CDK5RAP1: variants seen among roughly 807,000 people sequenced by gnomAD.
CDK5RAP1 encodes mitochondrial tRNA methylthiotransferase CDK5RAP1.
In CDK5RAP1, 62 loss-of-function variants were observed where a neutral mutation model predicts 64.5. The observed-to-expected ratio is 0.96, with a 90% CI of 0.78 to 1.19. The LOEUF is 1.19. CDK5RAP1 is among the 50% of genes most tolerant of loss of function. The probability of loss-of-function intolerance (pLI) is 0.00; values close to 1 mark genes in which losing one functional copy is unlikely to be tolerated. For synonymous variants in CDK5RAP1, 250 were observed against 261.9 expected, an observed-to-expected ratio of 0.95 and a Z score of 0.44; for missense variants, 657 against 735.0, an observed-to-expected ratio of 0.89 and a Z score of 1.23.
At chr20:33,389,465 C>A (rs951554269) in intron 5 of CDK5RAP1, among the ~76,000 whole-genome samples, 3 of 152,030 alleles carry the variant, frequency 2.0e-5, no homozygotes, top group African/African-American at 7.2e-5. Context: ...CGTCTCCGCC[C>A]AGCAGCCGCC....
intron 7 of CDK5RAP1, among the ~76,000 whole-genome samples, chr20:33,382,973 GAGTT>G (rs1986957288): frequency 6.6e-6 from 1 of 152,038 alleles, no homozygotes; most frequent in African/African-American, 2.4e-5. Context: ...CTGAGGTCAG[GAGTT>G]TGAGACTAAG....
Position 33,372,086 on chromosome 20 carries a change from T to C in CDK5RAP1, c.1261+556A>G, listed in dbSNP as rs139885002. ...TAAACAACACTGTAACTGCTTTCTT[T>C]TCCCACCTAACCTGGAAGTTCCCCA... On this transcript the variant is annotated intron_variant, in intron 10 of 13. Coordinates refer to ENST00000346416, the MANE Select transcript of CDK5RAP1 (RefSeq NM_016408.4). Among the ~76,000 whole-genome samples, 119 of 152,296 alleles carry C rather than the reference T, an allele frequency of 7.8e-4. 1 individual carries two copies. Among genetic ancestry groups the C allele is most frequent in the Middle Eastern group, 3.4e-3 (1 of 294 alleles).
chr20:33,401,447 G>A lies in CDK5RAP1; in HGVS notation c.-40C>T, dbSNP rs1600828411. On this transcript the variant is annotated 5_prime_UTR_variant, in exon 1 of 14. Transcript: ENST00000346416. ...GCTCACCTCCCGCAGCAGCAACAGT[G>A]CCCGGGGTCCCGCAGCGTAAGTTCT... is the stretch of plus-strand genomic sequence containing the variant. 2.0e-6 allele frequency: 2 copies of A among 985,480 alleles called. No homozygotes were observed. The highest frequency in any genetic ancestry group is 2.4e-6 in the Non-Finnish European group (2 of 829,948). 61.0% of individuals were successfully genotyped at this position (985,480 alleles called of 1,614,324 possible). A position where few individuals can be genotyped will look rare whatever the true frequency, so the allele number is the denominator to read the frequency against.
intron 3 of CDK5RAP1, among the ~76,000 whole-genome samples, chr20:33,394,298 C>T (rs1209099486): frequency 6.6e-6 from 1 of 151,422 alleles, no homozygotes; most frequent in African/African-American, 2.4e-5. Context: ...ATTACAGGTG[C>T]CCACCACCAC....
At chr20:33,383,672 C>A (rs1987047801) in intron 7 of CDK5RAP1, among the ~76,000 whole-genome samples, 1 of 142,122 alleles carries the variant, frequency 7.0e-6, no homozygotes, top group South Asian at 2.3e-4. Context: ...ACCCGGGAGG[C>A]GGAGGTTGTG....
At chr20:33,389,572 G>C (rs992364301) in intron 5 of CDK5RAP1, among the ~76,000 whole-genome samples, 10 of 150,722 alleles carry the variant, frequency 6.6e-5, no homozygotes, top group African/African-American at 2.2e-4. Flanking sequence ...CAGCCGCCCC[G>C]TCCGGGAGGG....
chr20:33,388,008 C>T (rs6119377), intron 5 of CDK5RAP1, among the ~76,000 whole-genome samples: 63,632 of 150,626 alleles, frequency 0.42, 14,365 homozygotes, highest in Non-Finnish European at 0.51. Context: ...GCAGAGGTTG[C>T]GGTGGGCCAA....
At chr20:33,397,749 T>C (rs1262491872) in intron 1 of CDK5RAP1, among the ~76,000 whole-genome samples, 4 of 152,190 alleles carry the variant, frequency 2.6e-5, no homozygotes, top group African/African-American at 9.6e-5. Flanking sequence ...CCCAGGACTT[T>C]GGGAGGCCGA....
Position 33,372,700 on chromosome 20 carries a change from G to T in CDK5RAP1, c.1206-3C>A. 6.3e-7 allele frequency: 1 copy of T among 1,578,830 alleles called. No homozygotes were observed. The highest frequency in any genetic ancestry group is 8.6e-7 in the Non-Finnish European group (1 of 1,158,902). ...CCACATAAGCTTCTCTTGAATATCT[G>T]CAATAAAGAACAAAAGGAAAAGGCC... On this transcript the variant is annotated splice_region_variant and splice_polypyrimidine_tract_variant and intron_variant, in intron 9 of 13. Coordinates refer to ENST00000346416, the MANE Select transcript of CDK5RAP1 (RefSeq NM_016408.4).
At chr20:33,381,915 G>A (rs957394921) in intron 7 of CDK5RAP1, among the ~76,000 whole-genome samples, 5 of 152,166 alleles carry the variant, frequency 3.3e-5, no homozygotes, top group Non-Finnish European at 5.9e-5. Context: ...TCCTGGAAAC[G>A]AAGTAAGACA....
At chr20:33,382,599 T>C (rs1986895540) in intron 7 of CDK5RAP1, among the ~76,000 whole-genome samples, 1 of 152,212 alleles carries the variant, frequency 6.6e-6, no homozygotes, top group Non-Finnish European at 1.5e-5. Context: ...GAGAATCACA[T>C]GAACCCAGGA....
chr20:33,381,183 T>C (rs1225414384), intron 7 of CDK5RAP1, among the ~76,000 whole-genome samples: 4 of 151,662 alleles, frequency 2.6e-5, no homozygotes, highest in African/African-American at 4.8e-5. Context: ...ATTCAGACAC[T>C]CATATACACT....
At chr20:33,374,616 T>G (rs1267619387) in intron 8 of CDK5RAP1, among the ~76,000 whole-genome samples, 2 of 151,356 alleles carry the variant, frequency 1.3e-5, no homozygotes, top group African/African-American at 2.4e-5. Context: ...CAGGCTGGAG[T>G]ACAGTGGTGC....
rs770238133 is a variant in CDK5RAP1 at position 33,395,128 on chromosome 20, G to A, written c.305-12C>T. On this transcript the variant is annotated splice_polypyrimidine_tract_variant and intron_variant, in intron 2 of 13. Coordinates refer to ENST00000346416, the MANE Select transcript of CDK5RAP1 (RefSeq NM_016408.4). ...GGTCTCGAGGTAGACTGCAGTGAGA[G>A]GTTGGGGGGAATCCATGGTAGACAG... 2 of 1,508,152 alleles carry A rather than the reference G, an allele frequency of 1.3e-6. No individual in the cohort carries two copies. The highest frequency in any genetic ancestry group is 1.4e-5 in the African/African-American group (1 of 72,794). The allele number at this position is 1,508,152 out of a possible 1,614,324, so 93.4% of individuals were successfully genotyped here.
In CDK5RAP1 at chr20:33,360,364, T is replaced by C. The variant is rs1353520092; in HGVS notation, c.1670A>G (p.Tyr557Cys). ...AGGACTCCTCACCTTCACCAGCACA[T>C]AGTCCCCAGGCTGGGCTCTGACCCT... ...GLRVRAQPGD[Y>C]VLVKITSASS... The change falls in exon 13 of 14, where the codon TAT becomes TGT. Residue 557 changes from tyrosine (Y) to cysteine (C), a missense_variant. Coordinates refer to ENST00000346416, the MANE Select transcript of CDK5RAP1 (RefSeq NM_016408.4). The C allele has an allele frequency of 1.9e-6, 3 of 1,613,950 alleles. No individual in the cohort carries two copies. Among genetic ancestry groups the C allele is most frequent in the African/African-American group, 2.7e-5 (2 of 74,918 alleles).
intron 12 of CDK5RAP1, among the ~76,000 whole-genome samples, chr20:33,363,639 T>G (rs1350200302): frequency 6.6e-6 from 1 of 152,174 alleles, no homozygotes; most frequent in East Asian, 1.9e-4. Context: ...GGCTCATGCC[T>G]GTAATCCCAG....
Position 33,394,082 on chromosome 20 carries a change from G to A in CDK5RAP1, c.409-16C>T. The stretch of plus-strand genomic sequence containing the variant: ...TCACATCTGCCTGAATGGAAAGAAA[G>A]GAAAACAAGGAAAATTACATAATAT... On this transcript the variant is annotated splice_polypyrimidine_tract_variant and intron_variant, in intron 3 of 13. Transcript: ENST00000346416. The A allele has an allele frequency of 6.5e-7, 1 of 1,544,364 alleles. No individual in the cohort carries two copies. The highest frequency in any genetic ancestry group is 2.2e-5 in the East Asian group (1 of 44,600).
chr20:33,359,776 A>C (rs1982550792), intron 13 of CDK5RAP1: 1 of 155,346 alleles, frequency 6.4e-6, no homozygotes, highest in Non-Finnish European at 1.4e-5. Flanking sequence ...ATATGAGAAC[A>C]AGACAGGGAA....
chr20:33,400,911 C>G (rs1989349976), intron 1 of CDK5RAP1, among the ~76,000 whole-genome samples: 1 of 152,190 alleles, frequency 6.6e-6, no homozygotes. Context: ...CTGGGAGCCT[C>G]TAGATGGGGA....
Sources: allele counts gnomAD v4.1 joint callset (sites outside exome capture counted in the v4.1 genomes callset), GRCh38; gene constraint gnomAD v4.1.1; transcripts MANE v1.5; gene names NCBI Gene and HGNC (gene_info 2026-07-23, HGNC 2026-07-21).